FANCC: variants seen among roughly 807,000 people sequenced by gnomAD.
FANCC encodes the protein FA complementation group C, also known as Fanconi anemia group C protein.
A neutral mutation model predicts 71.3 loss-of-function variants in FANCC; 55 were observed. That is an observed-to-expected ratio of 0.77 (90% CI 0.62 to 0.97). FANCC has a LOEUF of 0.97. Among genes scored for constraint, FANCC ranks in the 50% least tolerant of loss-of-function variants. The probability of loss-of-function intolerance (pLI) is 0.00; values close to 1 mark genes in which losing one functional copy is unlikely to be tolerated. For missense variants in FANCC, 678 were observed against 670.9 expected (o/e 1.01, Z -0.12); for synonymous variants, 275 against 244.9 (o/e 1.12, Z -1.15).
chr9:95,210,976 T>A (rs2135872942), intron 4 of FANCC, among the ~76,000 whole-genome samples: 1 of 152,330 alleles, frequency 6.6e-6, no homozygotes, highest in South Asian at 2.1e-4. Flanking sequence ...CTAACACTAC[T>A]TAAAAATTTC....
Position 95,110,853 on chromosome 9 carries a change from T to TAAC in FANCC, c.1329+607_1329+609dup, listed in dbSNP as rs373431845. On this transcript the variant is annotated intron_variant, in intron 13 of 14. Coordinates refer to ENST00000289081, the MANE Select transcript of FANCC (RefSeq NM_000136.3). ...TGTAATTATTATATTCCACATAAAA[T>TAAC]AACAACTGTCTTTGCCACAGACAGT... is the stretch of plus-strand genomic sequence containing the variant. 65 of 1,180,798 alleles carry TAAC rather than the reference T, an allele frequency of 5.5e-5. No individual in the cohort carries two copies. In the African/African-American group the frequency reaches 9.3e-4, roughly 17 times the overall value. The allele number at this position is 1,180,798 out of a possible 1,614,324, so 73.1% of individuals were successfully genotyped here.
chr9:95,225,383 A>G (rs977639429), intron 4 of FANCC, among the ~76,000 whole-genome samples: 7 of 152,240 alleles, frequency 4.6e-5, no homozygotes, highest in Non-Finnish European at 8.8e-5. Context: ...TTGGAAATAT[A>G]GATTACATCT....
intron 1 of FANCC, among the ~76,000 whole-genome samples, chr9:95,313,600 C>G (rs1835549433): frequency 6.6e-6 from 1 of 152,088 alleles, no homozygotes; most frequent in Non-Finnish European, 1.5e-5. Flanking sequence ...TAGGAGGGAA[C>G]ACTTCCCAAC....
chr9:95,257,632 A>G (rs977699464), intron 1 of FANCC, among the ~76,000 whole-genome samples: 3 of 152,214 alleles, frequency 2.0e-5, no homozygotes, highest in Admixed American at 6.5e-5. Context: ...TAGAGAAGCA[A>G]GAGCAAACAC....
intron 4 of FANCC, among the ~76,000 whole-genome samples, chr9:95,191,195 C>T (rs559340268): frequency 5.3e-5 from 8 of 152,142 alleles, no homozygotes; most frequent in African/African-American, 1.7e-4. Flanking sequence ...TCCCCTTCGG[C>T]CTTGCATCTG....
intron 4 of FANCC, among the ~76,000 whole-genome samples, chr9:95,178,447 C>G (rs1482262580): frequency 3.3e-5 from 5 of 152,262 alleles, no homozygotes; most frequent in African/African-American, 1.2e-4. Flanking sequence ...GGAGCCCTCA[C>G]TCCTTAGGAG....
rs902268011 is a variant in FANCC, at chr9:95,099,867, AGAAG to A, written c.*1836_*1839del. 4 of 233,314 alleles carry A rather than the reference AGAAG, an allele frequency of 1.7e-5. No individual in the cohort carries two copies. Among genetic ancestry groups the A allele is most frequent in the African/African-American group, 6.6e-5 (3 of 45,298 alleles). 14.5% of individuals were successfully genotyped at this position (233,314 alleles called of 1,614,324 possible). ...GATGCCTAGCTTCACCAGTCCCAGG[AGAAG>A]GAAGGAAGGGGCATGGGCAGAGGCC... On this transcript the variant is annotated 3_prime_UTR_variant, in exon 15 of 15. Transcript: ENST00000289081.
chr9:95,230,446 G>A (rs1326327751), intron 4 of FANCC, among the ~76,000 whole-genome samples: 1 of 152,104 alleles, frequency 6.6e-6, no homozygotes, highest in African/African-American at 2.4e-5. Flanking sequence ...ATTGTGTCCG[G>A]AATTTATTCC....
chr9:95,279,470 C>T (rs1833245564), intron 1 of FANCC, among the ~76,000 whole-genome samples: 3 of 150,922 alleles, frequency 2.0e-5, no homozygotes, highest in African/African-American at 7.3e-5. Context: ...CATGCCACTG[C>T]ACTCCAGCCT....
intron 1 of FANCC, chr9:95,317,309 T>TCCCACC (rs1554876563): frequency 1.7e-4 from 5 of 30,012 alleles, no homozygotes; most frequent in African/African-American, 3.7e-4. Context: ...GCCCGCCACC[T>TCCCACC]TCCGCCTCCC....
chr9:95,240,660 A>AG lies in FANCC; in HGVS notation c.333dup (p.Ser112LeufsTer17). 1.2e-6 allele frequency: 2 copies of AG among 1,605,086 alleles called. No individual in the cohort carries two copies. The highest frequency in any genetic ancestry group is 1.7e-6 in the Non-Finnish European group (2 of 1,171,888). On this transcript the variant is annotated frameshift_variant, in exon 4 of 15. Transcript: ENST00000289081. LOFTEE classifies it high-confidence loss of function. ...ATTTACTCTCTTACCTGTATCCAGG[A>AG]GTTAAGTTTTGATTGTCCAGAATTC...
intron 4 of FANCC, among the ~76,000 whole-genome samples, chr9:95,188,887 T>C (rs932116246): frequency 5.3e-5 from 8 of 152,224 alleles, no homozygotes; most frequent in African/African-American, 1.7e-4. Flanking sequence ...ACTTACAGTA[T>C]GATGTGCCCT....
chr9:95,314,403 C>T (rs1835607403), intron 1 of FANCC, among the ~76,000 whole-genome samples: 1 of 152,172 alleles, frequency 6.6e-6, no homozygotes, highest in Admixed American at 6.5e-5. Flanking sequence ...CCTGTAATCC[C>T]AGCACTTTGG....
intron 4 of FANCC, among the ~76,000 whole-genome samples, chr9:95,178,142 T>C (rs937017840): frequency 2.6e-5 from 4 of 152,120 alleles, no homozygotes; most frequent in Non-Finnish European, 5.9e-5. Flanking sequence ...GTCAAAAGAT[T>C]GGACACCCCT....
At chr9:95,195,818 T>C (rs2135770062) in intron 4 of FANCC, among the ~76,000 whole-genome samples, 1 of 152,358 alleles carries the variant, frequency 6.6e-6, no homozygotes, top group East Asian at 1.9e-4. Flanking sequence ...ATTAAACAGA[T>C]CCCATTTTGT....
intron 4 of FANCC, among the ~76,000 whole-genome samples, chr9:95,216,525 T>C (rs1189308174): frequency 6.6e-6 from 1 of 152,200 alleles, no homozygotes; most frequent in African/African-American, 2.4e-5. Flanking sequence ...CTCCAGACTA[T>C]ATTTTCAATG....
intron 3 of FANCC, among the ~76,000 whole-genome samples, chr9:95,243,424 C>T (rs1355915548): frequency 6.6e-6 from 1 of 152,120 alleles, no homozygotes; most frequent in African/African-American, 2.4e-5. Context: ...TGATCCTATT[C>T]TCCATGAACA....
intron 12 of FANCC, among the ~76,000 whole-genome samples, chr9:95,112,805 T>C (rs1020742801): frequency 2.6e-5 from 4 of 152,220 alleles, no homozygotes. Flanking sequence ...GAAAGGTATC[T>C]CATGGCTCCA....
chr9:95,189,047 A>G (rs542917631), intron 4 of FANCC, among the ~76,000 whole-genome samples: 1 of 152,350 alleles, frequency 6.6e-6, no homozygotes, highest in African/African-American at 2.4e-5. Context: ...AATACTGTGA[A>G]TATCAATTAA....
Sources: gnomAD v4.1 joint callset for allele counts (sites outside exome capture counted in the v4.1 genomes callset) on GRCh38, gnomAD v4.1.1 for gene constraint, MANE v1.5 for transcripts, NCBI Gene and HGNC (gene_info 2026-07-23, HGNC 2026-07-21) for gene names.